TAFA1: variants seen among roughly 807,000 people sequenced by gnomAD.
TAFA1 encodes TAFA chemokine like family member 1.
Under a neutral mutation model 18.5 loss-of-function variants are expected in TAFA1, and 4 were observed. The ratio of observed to expected loss-of-function variants is 0.22; its 90% CI spans 0.11 to 0.49. TAFA1 has a LOEUF of 0.49. Ranked by LOEUF, TAFA1 falls within the 20% of genes least tolerant of loss-of-function variation. The pLI is 0.98. For missense variants in TAFA1, 147 were observed against 169.0 expected (o/e 0.87, Z 0.72); for synonymous variants, 56 against 55.2 (o/e 1.01, Z -0.06).
At chr3:68,190,321 A>G (rs1394567340) in intron 2 of TAFA1, among the ~76,000 whole-genome samples, 1 of 151,938 alleles carries the variant, frequency 6.6e-6, no homozygotes, top group African/African-American at 2.4e-5. Flanking sequence ...ACTTCTGGAT[A>G]AGTTTAAGAT....
chr3:68,433,682 A>ATAGG (rs1281058172), intron 3 of TAFA1, among the ~76,000 whole-genome samples: 3 of 152,278 alleles, frequency 2.0e-5, no homozygotes, highest in African/African-American at 7.2e-5. Context: ...TTTATGTTCC[A>ATAGG]ATTCCAGCTC....
chr3:68,170,375 G>A (rs974672797), intron 2 of TAFA1, among the ~76,000 whole-genome samples: 2 of 152,126 alleles, frequency 1.3e-5, no homozygotes, highest in African/African-American at 4.8e-5. Flanking sequence ...AAATTTCTCT[G>A]TGCAAACAGC....
intron 3 of TAFA1, among the ~76,000 whole-genome samples, chr3:68,479,893 CACAA>C (rs771719166): frequency 2.6e-5 from 4 of 151,982 alleles, no homozygotes; most frequent in Non-Finnish European, 4.4e-5. Context: ...CACACACACA[CACAA>C]ACACACACAT....
chr3:68,401,047 A>G (rs1222055838), intron 2 of TAFA1, among the ~76,000 whole-genome samples: 10 of 152,214 alleles, frequency 6.6e-5, no homozygotes, highest in Admixed American at 6.5e-4. Flanking sequence ...ACTTGGGATA[A>G]GCCGATCAGT....
rs1307948456 is a variant in TAFA1, at chr3:68,370,457, T to G, written c.119-46823T>G. On this transcript the variant is annotated intron_variant, in intron 2 of 4. Coordinates refer to ENST00000478136, the MANE Select transcript of TAFA1 (RefSeq NM_213609.4). The stretch of plus-strand genomic sequence containing the variant: ...ATATATATACATATGTATATATATG[T>G]GTGTGTGTGTGTGTGTATATATATA... 1.4e-4 allele frequency among the ~76,000 whole-genome samples: 2 copies of G among 14,590 alleles called. 1 individual carries two copies. Among genetic ancestry groups the G allele is most frequent in the Admixed American group, 2.1e-3 (2 of 952 alleles). 9.6% of individuals were successfully genotyped at this position (14,590 alleles called of 152,430 possible).
intron 2 of TAFA1, among the ~76,000 whole-genome samples, chr3:68,060,274 A>T (rs1347243491): frequency 6.6e-6 from 1 of 151,850 alleles, no homozygotes; most frequent in East Asian, 1.9e-4. Flanking sequence ...CTAAATTGCC[A>T]GTGCCCTCAC....
At chr3:68,357,394 G>A (rs2069386657) in intron 2 of TAFA1, among the ~76,000 whole-genome samples, 1 of 151,582 alleles carries the variant, frequency 6.6e-6, no homozygotes, top group South Asian at 2.1e-4. Flanking sequence ...AAAAAAACTA[G>A]GATTAATAGC....
intron 2 of TAFA1, among the ~76,000 whole-genome samples, chr3:68,092,311 T>G (rs2065038865): frequency 6.6e-6 from 1 of 152,080 alleles, no homozygotes; most frequent in South Asian, 2.1e-4. Flanking sequence ...TGACAAAATG[T>G]AAATATACCT....
At chr3:68,474,327 A>T (rs190944744) in intron 3 of TAFA1, among the ~76,000 whole-genome samples, 6 of 152,326 alleles carry the variant, frequency 3.9e-5, no homozygotes, top group African/African-American at 1.2e-4. Context: ...AGGGGTTGAA[A>T]TAGGAATGAA....
chr3:68,247,503 C>G (rs933818653), intron 2 of TAFA1: 1 of 152,094 alleles, frequency 6.6e-6, no homozygotes, highest in African/African-American at 2.4e-5. Flanking sequence ...TGCAGGTATG[C>G]TGAGGGGCCT....
chr3:68,526,861 GA>G (rs539962780), intron 3 of TAFA1, among the ~76,000 whole-genome samples: 13 of 151,394 alleles, frequency 8.6e-5, no homozygotes, highest in Admixed American at 3.3e-4. Context: ...TTCAGAATTA[GA>G]AAAAAAATAA....
At chr3:68,047,946 T>G (rs1424044210) in intron 2 of TAFA1, among the ~76,000 whole-genome samples, 1 of 152,102 alleles carries the variant, frequency 6.6e-6, no homozygotes, top group African/African-American at 2.4e-5. Context: ...GTTGGCCACA[T>G]GCTTGTAAGG....
intron 2 of TAFA1, among the ~76,000 whole-genome samples, chr3:68,075,828 C>G (rs1385566459): frequency 6.6e-6 from 1 of 151,962 alleles, no homozygotes; most frequent in African/African-American, 2.4e-5. Context: ...TCCCTACTGG[C>G]TGGGACTACA....
chr3:68,103,300 G>T (rs1271462458), intron 2 of TAFA1, among the ~76,000 whole-genome samples: 1 of 152,198 alleles, frequency 6.6e-6, no homozygotes, highest in East Asian at 1.9e-4. Flanking sequence ...GCTGCAGGAA[G>T]GGCTGACCCA....
At chr3:68,535,848 A>G (rs541811066) in intron 3 of TAFA1, among the ~76,000 whole-genome samples, 1 of 152,018 alleles carries the variant, frequency 6.6e-6, no homozygotes, top group Non-Finnish European at 1.5e-5. Flanking sequence ...GATGGGGGAA[A>G]GTTTTTGTTA....
At chr3:68,455,495 G>A (rs2071644862) in intron 3 of TAFA1, among the ~76,000 whole-genome samples, 1 of 152,114 alleles carries the variant, frequency 6.6e-6, no homozygotes, top group African/African-American at 2.4e-5. Context: ...GACTGTCCAA[G>A]GTCAATTTGT....
chr3:68,415,056 C>T (rs927891117), intron 2 of TAFA1, among the ~76,000 whole-genome samples: 1 of 152,152 alleles, frequency 6.6e-6, no homozygotes, highest in Non-Finnish European at 1.5e-5. Context: ...ATGATTAGCC[C>T]TATTCCATTA....
chr3:68,275,767 A>T (rs1244266657), intron 2 of TAFA1, among the ~76,000 whole-genome samples: 2 of 152,070 alleles, frequency 1.3e-5, no homozygotes, highest in Non-Finnish European at 2.9e-5. Context: ...AGGAAGCAGG[A>T]CTGTGCTGTT....
intron 2 of TAFA1, among the ~76,000 whole-genome samples, chr3:68,016,235 A>G (rs1377638872): frequency 6.6e-6 from 1 of 152,210 alleles, no homozygotes; most frequent in Admixed American, 6.5e-5. Flanking sequence ...AAAATATTTT[A>G]TCTATATTCC....
Sources: allele counts gnomAD v4.1 joint callset (sites outside exome capture counted in the v4.1 genomes callset), GRCh38; gene constraint gnomAD v4.1.1; transcripts MANE v1.5; gene names NCBI Gene and HGNC (gene_info 2026-07-23, HGNC 2026-07-21).